Variants in RNF144A observed in about 807,000 individuals in gnomAD.
RNF144A encodes ring finger protein 144A, also known as E3 ubiquitin-protein ligase RNF144A.
Under a neutral mutation model 38.7 loss-of-function variants are expected in RNF144A, and 11 were observed. The ratio of observed to expected loss-of-function variants is 0.28; its 90% CI spans 0.18 to 0.47. The LOEUF (loss-of-function observed/expected upper bound fraction) is 0.47, where lower values mean the gene tolerates loss of function less well. RNF144A is among the 20% of genes least tolerant of loss of function. The pLI is 0.99. For synonymous variants in RNF144A, 149 were observed against 143.9 expected (o/e 1.04, Z -0.25); for missense variants, 316 against 377.2 (o/e 0.84, Z 1.34).
intron 1 of RNF144A, among the ~76,000 whole-genome samples, chr2:6,939,105 T>C (rs2103293800): frequency 6.6e-6 from 1 of 152,316 alleles, no homozygotes; most frequent in Non-Finnish European, 1.5e-5. Context: ...TACCTAGGTG[T>C]GGAAATGCTG....
At position 7,041,783 on chromosome 2, in the gene RNF144A, A is replaced by G; in HGVS notation, c.*2023A>G. 3.0e-6 allele frequency: 3 copies of G among 985,618 alleles called. No individual in the cohort carries two copies. The highest frequency in any genetic ancestry group is 3.6e-6 in the Non-Finnish European group (3 of 830,086). The allele number at this position is 985,618 out of a possible 1,614,324, so 61.1% of individuals were successfully genotyped here. On this transcript the variant is annotated 3_prime_UTR_variant, in exon 9 of 9. Transcript: ENST00000320892. ...TTCCTGCCTGAAATTGCTGCTGCCCATCGCATGAGCCCACACAGTAGCACC... is the reference window on the plus strand; with the variant it reads ...TTCCTGCCTGAAATTGCTGCTGCCCGTCGCATGAGCCCACACAGTAGCACC...
intron 6 of RNF144A, among the ~76,000 whole-genome samples, chr2:7,052,031 C>T (rs1195651494): frequency 6.6e-6 from 1 of 152,148 alleles, no homozygotes; most frequent in Non-Finnish European, 1.5e-5. Context: ...AATTAGAATG[C>T]CTAATTGGAA....
chr2:6,935,789 A>C (rs1260255237), intron 1 of RNF144A, among the ~76,000 whole-genome samples: 1 of 152,214 alleles, frequency 6.6e-6, no homozygotes, highest in Admixed American at 6.5e-5. Context: ...TTGTGTCACC[A>C]GGCCACCCTC....
At chr2:7,052,953 C>T (rs1385001595) in intron 6 of RNF144A, among the ~76,000 whole-genome samples, 2 of 152,200 alleles carry the variant, frequency 1.3e-5, no homozygotes, top group Non-Finnish European at 2.9e-5. Flanking sequence ...CTTTCTCCTG[C>T]ACTGCATTAA....
At position 6,941,826 on chromosome 2, in the gene RNF144A, G is replaced by A. The variant is rs750458585; in HGVS notation, c.-12+679G>A. Among the ~76,000 whole-genome samples the A allele has an allele frequency of 6.6e-6, 1 of 152,246 alleles. No individual in the cohort carries two copies. The highest frequency in any genetic ancestry group is 1.5e-5 in the Non-Finnish European group (1 of 68,038). ...AAGAGCGCTGTAGACAGAAGGGCTG[G>A]TGGCTGCAGCATACGGACAGCTGGA... On this transcript the variant is annotated intron_variant, in intron 2 of 8. Transcript: ENST00000320892. The surrounding 1 kb of genome is among the most constrained non-coding windows in gnomAD (Gnocchi z 6.5).
At position 6,987,120 on chromosome 2, in the gene RNF144A, G is replaced by C. The variant is rs564822624; in HGVS notation, c.-11-9796G>C. On this transcript the variant is annotated intron_variant, in intron 2 of 8. Coordinates refer to ENST00000320892, the MANE Select transcript of RNF144A (RefSeq NM_014746.6). ...GTTGAAGCCACCGAGAAACGTTTAA[G>C]TTTGTGTGTGGAGTGTTTTATCAGC... Among the ~76,000 whole-genome samples, 7 of 152,286 alleles carry C rather than the reference G, an allele frequency of 4.6e-5. No homozygotes were observed. The South Asian group carries it at 1.0e-3, about 23-fold the overall frequency.
rs1267068839 is a variant in RNF144A at position 6,992,019 on chromosome 2, C to T, written c.-11-4897C>T. ...GACATGGTAGACCTCCAAAGCCACA[C>T]TTACCCAGAAGAAATGGGAGTTACT... On this transcript the variant is annotated intron_variant, in intron 2 of 8. Coordinates refer to ENST00000320892, the MANE Select transcript of RNF144A (RefSeq NM_014746.6). Among the ~76,000 whole-genome samples, 16 of 152,188 alleles carry T rather than the reference C, an allele frequency of 1.1e-4. 1 individual carries two copies. Among genetic ancestry groups the T allele is most frequent in the Admixed American group, 2.6e-4 (4 of 15,276 alleles).
chr2:6,979,985 A>T (rs1039518963), intron 2 of RNF144A, among the ~76,000 whole-genome samples: 1 of 152,206 alleles, frequency 6.6e-6, no homozygotes, highest in African/African-American at 2.4e-5. Flanking sequence ...CTTCTTCACA[A>T]GGCGGCAGGA....
intron 5 of RNF144A, among the ~76,000 whole-genome samples, chr2:7,017,578 T>A (rs545678932): frequency 1.3e-5 from 2 of 152,334 alleles, no homozygotes; most frequent in East Asian, 1.9e-4. Flanking sequence ...GCCACCTTTT[T>A]AAAAAGTTTT....
chr2:7,056,416 A>C (rs1673738750), intron 6 of RNF144A, among the ~76,000 whole-genome samples: 1 of 152,058 alleles, frequency 6.6e-6, no homozygotes, highest in Admixed American at 6.6e-5. Context: ...TCTGCCACTT[A>C]TGACTGTTAT....
chr2:6,970,464 A>G (rs544457980), intron 2 of RNF144A, among the ~76,000 whole-genome samples: 24 of 152,308 alleles, frequency 1.6e-4, no homozygotes, highest in Admixed American at 4.6e-4. Flanking sequence ...TCTTTTGTAA[A>G]TTGCCCAGTC....
rs1054532479 is a variant in RNF144A at position 7,029,344 on chromosome 2, T to C, written c.658-782T>C. On this transcript the variant is annotated intron_variant, in intron 7 of 8. Coordinates refer to ENST00000320892, the MANE Select transcript of RNF144A (RefSeq NM_014746.6). ...TTCCCCTCACGCCAGTGGGTAGTCA[T>C]TGAGATCTGGGTGCCAAGCACTGAG... Among the ~76,000 whole-genome samples, 3 of 152,168 alleles carry C rather than the reference T, an allele frequency of 2.0e-5. No homozygotes were observed. In the South Asian group the frequency reaches 6.2e-4, roughly 32 times the overall value.
intron 1 of RNF144A, among the ~76,000 whole-genome samples, chr2:6,926,948 C>G (rs1664914161): frequency 6.6e-6 from 1 of 152,110 alleles, no homozygotes; most frequent in Admixed American, 6.5e-5. Context: ...CGGGGGTGCC[C>G]TTTCTGAAAC....
intron 8 of RNF144A, among the ~76,000 whole-genome samples, chr2:7,036,689 A>T (rs1424950594): frequency 2.0e-5 from 3 of 152,234 alleles, no homozygotes; most frequent in Non-Finnish European, 4.4e-5. Flanking sequence ...ATCAAATATG[A>T]TACTGTGATT....
At chr2:6,991,573 A>G (rs888687077) in intron 2 of RNF144A, among the ~76,000 whole-genome samples, 70 of 152,302 alleles carry the variant, frequency 4.6e-4, no homozygotes, top group African/African-American at 1.5e-3. Context: ...AGGGCCACAC[A>G]GACTGTGACT....
downstream of RNF144A, among the ~76,000 whole-genome samples, chr2:7,071,502 C>T (rs1014204238): frequency 6.6e-5 from 10 of 152,208 alleles, no homozygotes; most frequent in African/African-American, 2.4e-4. Context: ...TGTGACTTGG[C>T]CTGAGTTATT....
At position 6,962,385 on chromosome 2, in the gene RNF144A, C is replaced by T. The variant is rs894674009; in HGVS notation, c.-12+21238C>T. On this transcript the variant is annotated intron_variant, in intron 2 of 8. Transcript: ENST00000320892. This position sits in a 1 kb window ranked among gnomAD's most constrained non-coding sequence, Gnocchi z 4.1. ...CCCTTTTCTATGGTGCAGCTGCTGG[C>T]ATCCCCCATAGAAGTTTCTGGCTTC... 5.9e-5 allele frequency among the ~76,000 whole-genome samples: 9 copies of T among 152,202 alleles called. No individual in the cohort carries two copies. Among genetic ancestry groups the T allele is most frequent in the African/African-American group, 2.2e-4 (9 of 41,456 alleles).
chr2:6,981,051 G>T (rs1412469645), intron 2 of RNF144A, among the ~76,000 whole-genome samples: 1 of 152,204 alleles, frequency 6.6e-6, no homozygotes, highest in African/African-American at 2.4e-5. Context: ...GGAACCCAGG[G>T]TGCCATGTCC....
chr2:7,054,674 C>T (rs759180428), intron 6 of RNF144A, among the ~76,000 whole-genome samples: 1 of 151,994 alleles, frequency 6.6e-6, no homozygotes, highest in Non-Finnish European at 1.5e-5. Flanking sequence ...TTTTGCCTTC[C>T]GTCTTTTCCA....
Sources: gnomAD v4.1 joint callset for allele counts (sites outside exome capture counted in the v4.1 genomes callset) on GRCh38, gnomAD v4.1.1 for gene constraint, Gnocchi (gnomAD v3.1) non-coding constraint, MANE v1.5 for transcripts, NCBI Gene and HGNC (gene_info 2026-07-23, HGNC 2026-07-21) for gene names.